RNF175: variants seen among roughly 807,000 people sequenced by gnomAD.
RNF175 encodes the protein ring finger protein 175.
RNF175 carries 38 observed loss-of-function variants against 50.0 expected under a neutral mutation model. That is an observed-to-expected ratio of 0.76 (90% confidence interval 0.59 to 1.00). RNF175 has a LOEUF of 1.00. RNF175 is among the 50% of genes least tolerant of loss of function. The pLI is 0.00. For missense variants in RNF175, 388 were observed against 409.6 expected, an observed-to-expected ratio of 0.95 and a Z score of 0.46; for synonymous variants, 155 against 146.1, an observed-to-expected ratio of 1.06 and a Z score of -0.44.
chr4:153,717,363 A>G (rs1737998720), intron 6 of RNF175, among the ~76,000 whole-genome samples: 1 of 152,122 alleles, frequency 6.6e-6, no homozygotes, highest in Admixed American at 6.6e-5. Context: ...ATAATGAGCC[A>G]TTTCTTCAAG....
At chr4:153,719,043 C>T (rs140741050) in intron 6 of RNF175, among the ~76,000 whole-genome samples, 169 of 152,230 alleles carry the variant, frequency 1.1e-3, no homozygotes, top group African/African-American at 3.9e-3. Context: ...TGGTTTGCTG[C>T]ACCTGTCAAC....
At chr4:153,733,756 G>T (rs145892202) in intron 3 of RNF175, among the ~76,000 whole-genome samples, 1 of 152,062 alleles carries the variant, frequency 6.6e-6, no homozygotes, top group Non-Finnish European at 1.5e-5. Context: ...TTTGAAGTCC[G>T]GTTTTTGTGC....
chr4:153,754,194 G>T (rs1269913045), intron 1 of RNF175, among the ~76,000 whole-genome samples: 1 of 150,296 alleles, frequency 6.7e-6, no homozygotes, highest in Non-Finnish European at 1.5e-5. Context: ...AATTATGAAA[G>T]TCTGGTAACT....
At chr4:153,720,156 G>T in intron 6 of RNF175, 28 bp downstream of exon 6, 1 of 1,610,486 alleles carries the variant, frequency 6.2e-7, no homozygotes. Flanking sequence ...TGTCATACAT[G>T]GTTTCAGAAA....
At chr4:153,727,949 T>A (rs1324265465) in intron 4 of RNF175, among the ~76,000 whole-genome samples, 1 of 152,242 alleles carries the variant, frequency 6.6e-6, no homozygotes, top group African/African-American at 2.4e-5. Context: ...AAACAATAGT[T>A]TCACTTCTTT....
intron 3 of RNF175, among the ~76,000 whole-genome samples, chr4:153,735,206 G>A (rs185615922): frequency 1.3e-5 from 2 of 149,116 alleles, no homozygotes; most frequent in East Asian, 1.9e-4. Context: ...AAGGTGTATT[G>A]TATGTTCTGT....
At chr4:153,714,619 C>T (rs1737790250) in intron 7 of RNF175, 1 of 152,126 alleles carries the variant, frequency 6.6e-6, no homozygotes, top group Non-Finnish European at 1.5e-5. Context: ...TAAATGATAC[C>T]CTTTTTTGTA....
At chr4:153,743,439 T>C (rs567481460) in intron 3 of RNF175, among the ~76,000 whole-genome samples, 31 of 152,226 alleles carry the variant, frequency 2.0e-4, no homozygotes, top group African/African-American at 7.2e-4. Context: ...ATTAGATGGA[T>C]TGATGTGCAA....
intron 1 of RNF175, among the ~76,000 whole-genome samples, chr4:153,752,384 G>A (rs1304410904): frequency 6.6e-6 from 1 of 152,038 alleles, no homozygotes; most frequent in African/African-American, 2.4e-5. Context: ...TGAATATTAG[G>A]GACCCACCTG....
intron 2 of RNF175, among the ~76,000 whole-genome samples, chr4:153,750,302 G>C: frequency 6.6e-6 from 1 of 152,150 alleles, no homozygotes; most frequent in East Asian, 1.9e-4. Context: ...AAAGGCACTT[G>C]ATGGGTATGT....
chr4:153,729,748 G>A (rs1431887538), intron 3 of RNF175: 1 of 984,622 alleles, frequency 1.0e-6, no homozygotes. Context: ...TTCTTTCAGA[G>A]AACCCTAGAG....
At chr4:153,726,099 T>TGTG (rs1275812670) in intron 4 of RNF175, among the ~76,000 whole-genome samples, 5 of 146,098 alleles carry the variant, frequency 3.4e-5, no homozygotes, top group African/African-American at 1.3e-4. Context: ...GTGTGTGTGT[T>TGTG]TTGTTTTTGT....
At chr4:153,757,194 G>GA in intron 1 of RNF175, among the ~76,000 whole-genome samples, 1 of 152,128 alleles carries the variant, frequency 6.6e-6, no homozygotes, top group Non-Finnish European at 1.5e-5. Context: ...CTTTCGGTGA[G>GA]GCCCCTACCA....
At chr4:153,747,467 C>A (rs1365373121) in intron 3 of RNF175, among the ~76,000 whole-genome samples, 1 of 152,190 alleles carries the variant, frequency 6.6e-6, no homozygotes, top group African/African-American at 2.4e-5. Flanking sequence ...CACAGTTAAG[C>A]CAAGTTCTTT....
At chr4:153,758,568 C>A (rs188120026) in intron 1 of RNF175, among the ~76,000 whole-genome samples, 4 of 152,282 alleles carry the variant, frequency 2.6e-5, no homozygotes, top group Non-Finnish European at 5.9e-5. Flanking sequence ...CAATTCAGAA[C>A]CTCCCTTTCG....
intron 1 of RNF175, among the ~76,000 whole-genome samples, chr4:153,758,037 G>T (rs978510954): frequency 6.6e-6 from 1 of 152,144 alleles, no homozygotes; most frequent in African/African-American, 2.4e-5. Context: ...TTTTCTGCTG[G>T]AGCTTTCATG....
intron 1 of RNF175, among the ~76,000 whole-genome samples, chr4:153,758,944 T>C (rs1246206334): frequency 6.6e-6 from 1 of 152,192 alleles, no homozygotes; most frequent in Non-Finnish European, 1.5e-5. Context: ...TCAGAAATCC[T>C]ACAGTTCTTT....
intron 1 of RNF175, 85 bp from the exon 2 acceptor site, chr4:153,751,560 C>T: frequency 5.5e-6 from 5 of 908,186 alleles, no homozygotes; most frequent in Non-Finnish European, 8.5e-6. Flanking sequence ...GAAACCCAGA[C>T]CATGAAAAAT....
chr4:153,747,845 G>A (rs778107777), intron 3 of RNF175, among the ~76,000 whole-genome samples: 5 of 152,204 alleles, frequency 3.3e-5, no homozygotes, highest in East Asian at 1.9e-4. Flanking sequence ...GTTTTCTGCT[G>A]TTATAACAGA....
Sources: allele counts gnomAD v4.1 joint callset (sites outside exome capture counted in the v4.1 genomes callset), GRCh38; gene constraint gnomAD v4.1.1; transcripts MANE v1.5; gene names NCBI Gene and HGNC (gene_info 2026-07-23, HGNC 2026-07-21).